The following ZNF746 variants were observed in gnomAD, a reference collection of about 807,000 sequenced individuals.
ZNF746 encodes the protein zinc finger protein 746, also known as parkin-interacting substrate.
In ZNF746, 13 loss-of-function variants were observed where a neutral mutation model predicts 41.0. The ratio of observed to expected loss-of-function variants is 0.32; its 90% confidence interval spans 0.21 to 0.50. The LOEUF is 0.50. Among genes scored for constraint, ZNF746 ranks in the 20% least tolerant of loss-of-function variants. The pLI, the probability that ZNF746 is intolerant of heterozygous loss-of-function variation, is 0.98. For missense variants in ZNF746, 811 were observed against 922.9 expected (o/e 0.88, Z 1.57); for synonymous variants, 424 against 396.2 (o/e 1.07, Z -0.83).
rs1801038576 is a variant in ZNF746, at chr7:149,497,290, G to A, written c.24+223C>T. 1.0e-6 allele frequency: 1 copy of A among 985,114 alleles called. No homozygotes were observed. Among genetic ancestry groups the A allele is most frequent in the Non-Finnish European group, 1.2e-6 (1 of 829,842 alleles). 61.0% of individuals were successfully genotyped at this position (985,114 alleles called of 1,614,324 possible). The stretch of plus-strand genomic sequence containing the variant: ...CTTGGCGTGGGGCGGCCCGGGGCGG[G>A]GACAACCGTTCCGCCAGCGCTCGGG... On this transcript the variant is annotated intron_variant, in intron 1 of 6. Transcript: ENST00000458143. This position sits in a 1 kb window ranked among gnomAD's most constrained non-coding sequence, Gnocchi z 4.2.
rs1800811847 is a variant in ZNF746 at position 149,491,647 on chromosome 7, C to G, written c.565+1212G>C. 3.7e-5 allele frequency: 20 copies of G among 539,226 alleles called. No individual in the cohort carries two copies. The East Asian group carries it at 6.1e-4, about 17-fold the overall frequency. 33.4% of individuals were successfully genotyped at this position (539,226 alleles called of 1,614,324 possible). ...CTTCTGCCCTTAGGAAAGTGCAAAT[C>G]TGACTGAGATGAGATGACGAACATG... On this transcript the variant is annotated intron_variant, in intron 4 of 6. Coordinates refer to ENST00000458143, the MANE Select transcript of ZNF746 (RefSeq NM_001394198.1).
rs570072200 is a variant in ZNF746 at position 149,482,472 on chromosome 7, T to G, written c.566-4717A>C. Among the ~76,000 whole-genome samples, 7 of 151,844 alleles carry G rather than the reference T, an allele frequency of 4.6e-5. No individual in the cohort carries two copies. In the East Asian group the frequency reaches 1.4e-3, roughly 29 times the overall value. On this transcript the variant is annotated intron_variant, in intron 4 of 6. Coordinates refer to ENST00000458143, the MANE Select transcript of ZNF746 (RefSeq NM_001394198.1). ...GAAGATAAAGTAATTCTAAGGTTTT[T>G]TTTTTTTTTTGAGATGGAGCCTTGC... is the stretch of plus-strand genomic sequence containing the variant.
Position 149,474,609 on chromosome 7 carries a change from G to C in ZNF746, c.1758C>G (p.Val586=). ...CCTTGCGGATGAAGCTTTTGCCGCAGACGGTGCAGGTGAAGGGCCGCACGC... is the reference window on the plus strand; with the variant it reads ...CCTTGCGGATGAAGCTTTTGCCGCACACGGTGCAGGTGAAGGGCCGCACGC... The part of the protein sequence containing the change: ...HTGVRPFTCT[V]CGKSFIRKDH... The change falls in exon 7 of 7, where the codon GTC becomes GTG. Residue 586 remains valine, a synonymous_variant. Coordinates refer to ENST00000458143, the MANE Select transcript of ZNF746 (RefSeq NM_001394198.1). The surrounding 1 kb of genome is among the most constrained non-coding windows in gnomAD (Gnocchi z 6.3). The C allele has an allele frequency of 6.2e-7, 1 of 1,613,380 alleles. No individual in the cohort carries two copies. Among genetic ancestry groups the C allele is most frequent in the Middle Eastern group, 1.7e-4 (1 of 6,060 alleles).
At chr7:149,487,370 G>A (rs1405692466) in intron 4 of ZNF746, among the ~76,000 whole-genome samples, 1 of 152,192 alleles carries the variant, frequency 6.6e-6, no homozygotes, top group Admixed American at 6.5e-5. Flanking sequence ...AGAAGGAAAT[G>A]TCTTTAACAA....
At chr7:149,492,759 C>T (rs1800845965) in intron 4 of ZNF746, 100 bp downstream of exon 4, 1 of 843,584 alleles carries the variant, frequency 1.2e-6, no homozygotes, top group South Asian at 1.5e-5. Flanking sequence ...TTTCATGTTT[C>T]TCCTCGACTC....
rs1240896942 is a variant in ZNF746, at chr7:149,497,279, G to A, written c.24+234C>T. On this transcript the variant is annotated intron_variant, in intron 1 of 6. Coordinates refer to ENST00000458143, the MANE Select transcript of ZNF746 (RefSeq NM_001394198.1). The surrounding 1 kb of genome is among the most constrained non-coding windows in gnomAD (Gnocchi z 4.2). ...GGCCCAAAGAACTTGGCGTGGGGCG[G>A]CCCGGGGCGGGGACAACCGTTCCGC... 2 of 985,144 alleles carry A rather than the reference G, an allele frequency of 2.0e-6. No homozygotes were observed. Among genetic ancestry groups the A allele is most frequent in the Non-Finnish European group, 2.4e-6 (2 of 829,840 alleles). 61.0% of individuals were successfully genotyped at this position (985,144 alleles called of 1,614,324 possible).
In ZNF746 at chr7:149,477,549, G is replaced by A. The variant is rs202176440; in HGVS notation, c.757+15C>T. 23 of 1,588,284 alleles carry A rather than the reference G, an allele frequency of 1.4e-5. No homozygotes were observed. The highest frequency in any genetic ancestry group is 1.0e-4 in the Admixed American group (6 of 58,838). On this transcript the variant is annotated intron_variant, in intron 5 of 6. Coordinates refer to ENST00000458143, the MANE Select transcript of ZNF746 (RefSeq NM_001394198.1). ...CCTGCAACTTGTTCCTTATGTCCCC[G>A]TCTCAGCCACTTACCAGAGGTGGCA...
chr7:149,489,258 C>CAT (rs1199666738), intron 4 of ZNF746: 1 of 147,472 alleles, frequency 6.8e-6, no homozygotes, highest in Non-Finnish European at 1.5e-5. Flanking sequence ...CACACACACA[C>CAT]ACACACACAC....
rs1228878874 is a variant in ZNF746 at position 149,497,403 on chromosome 7, TCCGGCCCGGACC to T, written c.24+98_24+109del. The T allele has an allele frequency of 3.0e-6, 3 of 1,009,730 alleles. No individual in the cohort carries two copies. In the African/African-American group the frequency reaches 5.2e-5, roughly 18 times the overall value. The allele number at this position is 1,009,730 out of a possible 1,614,324, so 62.5% of individuals were successfully genotyped here. A position where few individuals can be genotyped will look rare whatever the true frequency, so the allele number is the denominator to read the frequency against. The stretch of plus-strand genomic sequence containing the variant: ...TTCGCGGGAGCCCCAGGCCCGGTGG[TCCGGCCCGGACC>T]CCGGAACCCCTCCCCAGGGCCTGCG... On this transcript the variant is annotated intron_variant, in intron 1 of 6. Transcript: ENST00000458143. This position sits in a 1 kb window ranked among gnomAD's most constrained non-coding sequence, Gnocchi z 4.2.
In ZNF746 at chr7:149,475,288, C is replaced by T. The variant is rs771349858; in HGVS notation, c.1079G>A (p.Gly360Glu). The T allele has an allele frequency of 6.8e-6, 11 of 1,613,472 alleles. No individual in the cohort carries two copies. The highest frequency in any genetic ancestry group is 1.6e-4 in the Middle Eastern group (1 of 6,080). ...SSFPSQDPVL[G>E]LREPARPERD... ...CTCAGGCCGGGCGGGCTCTCGCAGC[C>T]CCAGCACAGGGTCCTGGCTGGGGAA... The change falls in exon 7 of 7, where the codon GGG (glycine) becomes GAG (glutamate). Residue 360 changes from glycine (G) to glutamate (E), a missense_variant. By Grantham distance (98) the Gly-to-Glu change is moderately conservative (BLOSUM62 -2). Around this residue, in one of 4 missense-constraint regions of ZNF746, gnomAD observed 495 missense variants for 481.6 expected, o/e 1.03. Coordinates refer to ENST00000458143, the MANE Select transcript of ZNF746 (RefSeq NM_001394198.1).
chr7:149,486,923 T>A (rs1406376059), intron 4 of ZNF746, among the ~76,000 whole-genome samples: 1 of 152,200 alleles, frequency 6.6e-6, no homozygotes, highest in Non-Finnish European at 1.5e-5. Flanking sequence ...ACAGTAACAA[T>A]GTTGTAAAAC....
At position 149,494,253 on chromosome 7, in the gene ZNF746, T is replaced by C; in HGVS notation, c.275A>G (p.Asn92Ser). Residue 92 changes from asparagine to serine, a missense_variant, in exon 2 of 7, where the codon AAC becomes AGC. This residue lies in a region of ZNF746 where 147 missense variants were observed against 233.4 expected (regional missense o/e 0.63). Transcript: ENST00000458143. The surrounding 1 kb of genome is among the most constrained non-coding windows in gnomAD (Gnocchi z 5.6). ...ENVENLLRNR[N>S]FWILRLPPGS... Reference sequence around the variant, plus strand: ...CGGGGGCAGCCGCAGGATCCAGAAGTTCCTGTTGCGCAGCAGGTTCTCCAC... The same window carrying C: ...CGGGGGCAGCCGCAGGATCCAGAAGCTCCTGTTGCGCAGCAGGTTCTCCAC... 1 of 1,614,068 alleles carries C rather than the reference T, an allele frequency of 6.2e-7. No homozygotes were observed. The highest frequency in any genetic ancestry group is 8.5e-7 in the Non-Finnish European group (1 of 1,179,990).
At position 149,495,926 on chromosome 7, in the gene ZNF746, CAAG is replaced by C. The variant is rs199578586; in HGVS notation, c.25-1426_25-1424del. Among the ~76,000 whole-genome samples, 1,197 of 152,260 alleles carry C rather than the reference CAAG, an allele frequency of 7.9e-3. 17 individuals carry two copies. Among genetic ancestry groups the C allele is most frequent in the African/African-American group, 0.028 (1,143 of 41,536 alleles). Reference sequence around the variant, plus strand: ...CCAATGCGGGTGGGAGTCTTGCTCTCAAGGAGTAGGTGGTCCTACAGCACCTGG... The same window carrying C: ...CCAATGCGGGTGGGAGTCTTGCTCTCGAGTAGGTGGTCCTACAGCACCTGG... On this transcript the variant is annotated intron_variant, in intron 1 of 6. Transcript: ENST00000458143.
chr7:149,477,415 A>T, intron 5 of ZNF746, 149 bp downstream of exon 5: 1 of 917,570 alleles, frequency 1.1e-6, no homozygotes, highest in Non-Finnish European at 1.6e-6. Flanking sequence ...GTCCTTTAGT[A>T]CAGTCCTACC....
At chr7:149,482,495 T>C (rs1411042765) in intron 4 of ZNF746, among the ~76,000 whole-genome samples, 1 of 151,824 alleles carries the variant, frequency 6.6e-6, no homozygotes, top group Non-Finnish European at 1.5e-5. Flanking sequence ...GATGGAGCCT[T>C]GCTCTGCTGC....
chr7:149,474,176 G>A lies in ZNF746; in HGVS notation c.*208C>T. On this transcript the variant is annotated 3_prime_UTR_variant, in exon 7 of 7. Transcript: ENST00000458143. The surrounding 1 kb of genome is among the most constrained non-coding windows in gnomAD (Gnocchi z 6.3). Reference sequence around the variant, plus strand: ...ATTAAATTACTTAAAATTCTACGGCGCTCCCATTTCACAGAGAATTCTACT... The same window carrying A: ...ATTAAATTACTTAAAATTCTACGGCACTCCCATTTCACAGAGAATTCTACT... 1.8e-6 allele frequency: 1 copy of A among 548,096 alleles called. No individual in the cohort carries two copies. The highest frequency in any genetic ancestry group is 3.1e-5 in the East Asian group (1 of 32,244). 34.0% of individuals were successfully genotyped at this position (548,096 alleles called of 1,614,324 possible).
chr7:149,489,273 AC>A (rs1179430928), intron 4 of ZNF746: 1 of 147,884 alleles, frequency 6.8e-6, no homozygotes, highest in Non-Finnish European at 1.5e-5. Context: ...ACACACACAC[AC>A]GTTTTAAATT....
At chr7:149,480,197 T>C (rs554159987) in intron 4 of ZNF746, among the ~76,000 whole-genome samples, 1 of 152,156 alleles carries the variant, frequency 6.6e-6, no homozygotes, top group African/African-American at 2.4e-5. Flanking sequence ...CACATCACCA[T>C]CTCGAGAAAA....
chr7:149,477,694 G>C lies in ZNF746; in HGVS notation c.627C>G (p.Leu209=), dbSNP rs777670757. ...CCAGGGCCTGCTGCTCCTGGAGCTGGAGCTCACCCTCCTGCTTGATCTGCA... is the reference window on the plus strand; with the variant it reads ...CCAGGGCCTGCTGCTCCTGGAGCTGCAGCTCACCCTCCTGCTTGATCTGCA... ...LLMQIKQEGE[L]QLQEQQALGV... The change falls in exon 5 of 7, where the codon CTC becomes CTG. Residue 209 remains leucine (L), a synonymous_variant. Transcript: ENST00000458143. The C allele has an allele frequency of 6.2e-7, 1 of 1,613,906 alleles. No homozygotes were observed. The highest frequency in any genetic ancestry group is 1.1e-5 in the South Asian group (1 of 91,052).
Sources: allele counts gnomAD v4.1 joint callset (sites outside exome capture counted in the v4.1 genomes callset), GRCh38; gene constraint gnomAD v4.1.1; regional missense constraint gnomAD v4.1.1; non-coding constraint Gnocchi (gnomAD v3.1); transcripts MANE v1.5; gene names NCBI Gene and HGNC (gene_info 2026-07-23, HGNC 2026-07-21).